Variants in RLF observed in about 807,000 individuals in gnomAD.
The protein encoded by RLF is zinc finger protein Rlf.
In RLF, 7 loss-of-function variants were observed where a neutral mutation model predicts 162.9. That is an observed-to-expected ratio of 0.04 (90% CI 0.02 to 0.08). RLF has a LOEUF of 0.08. Among genes scored for constraint, RLF ranks in the 10% least tolerant of loss-of-function variants. The pLI is 1.00. For synonymous variants in RLF, 782 were observed against 791.5 expected, an observed-to-expected ratio of 0.99 and a Z score of 0.20; for missense variants, 1,664 against 2,244.7, an observed-to-expected ratio of 0.74 and a Z score of 5.23.
rs1329509279 is a variant in RLF at position 40,237,872 on chromosome 1, A to G, written c.3170A>G (p.Glu1057Gly). The G allele has an allele frequency of 1.2e-6, 2 of 1,614,034 alleles. No individual in the cohort carries two copies. The highest frequency in any genetic ancestry group is 1.3e-5 in the African/African-American group (1 of 74,936). The change falls in exon 8 of 8, where the codon GAG becomes GGG. Residue 1057 changes from glutamate (E) to glycine (G), a missense_variant. Physicochemically the swap from Glu to Gly is moderately conservative, Grantham distance 98. Transcript: ENST00000372771. The surrounding 1 kb of genome is among the most constrained non-coding windows in gnomAD (Gnocchi z 4.4). ...TGTGCTTCTAAAAGGCCCTGTACAG[A>G]GGATACCATGTTGGAACTTCTGTTA... ...SICASKRPCTEDTMLELLLRL... is the reference protein window; with the variant it reads ...SICASKRPCTGDTMLELLLRL...
In RLF at chr1:40,239,205, G is replaced by A; in HGVS notation, c.4503G>A (p.Gly1501=). The A allele has an allele frequency of 6.2e-7, 1 of 1,614,124 alleles. No individual in the cohort carries two copies. Among genetic ancestry groups the A allele is most frequent in the Non-Finnish European group, 8.5e-7 (1 of 1,180,016 alleles). Reference sequence around the variant, plus strand: ...TATGTCAAACAGCTGATACTCAGGGGCATGAACATCAGACCACCAGGAGAT... The same window carrying A: ...TATGTCAAACAGCTGATACTCAGGGACATGAACATCAGACCACCAGGAGAT... The part of the protein sequence containing the change: ...EKVCQTADTQ[G]HEHQTTRRSF... Residue 1501 remains glycine (G), a synonymous_variant, in exon 8 of 8, where the codon GGG becomes GGA. Transcript: ENST00000372771.
intron 5 of RLF, among the ~76,000 whole-genome samples, chr1:40,203,759 ATTT>A (rs984448356): frequency 9.5e-4 from 144 of 152,100 alleles, no homozygotes; most frequent in African/African-American, 3.2e-3. Context: ...CTGAACTGAA[ATTT>A]TTTATTAGAT....
At chr1:40,180,624 A>C (rs1385230937) in intron 1 of RLF, among the ~76,000 whole-genome samples, 1 of 152,036 alleles carries the variant, frequency 6.6e-6, no homozygotes, top group African/African-American at 2.4e-5. Context: ...TGTGGTTTTC[A>C]TTTGGATTTC....
intron 5 of RLF, among the ~76,000 whole-genome samples, chr1:40,213,788 A>G (rs1299556714): frequency 6.6e-6 from 1 of 152,274 alleles, no homozygotes; most frequent in Non-Finnish European, 1.5e-5. Context: ...AGAACTAATC[A>G]GGGAAATACT....
chr1:40,169,786 G>A lies in RLF; in HGVS notation c.237+8150G>A, dbSNP rs137935499. Among the ~76,000 whole-genome samples the A allele has an allele frequency of 3.7e-3, 544 of 147,284 alleles. 12 individuals are homozygous for A. The highest frequency in any genetic ancestry group is 0.033 in the East Asian group (152 of 4,606). ...CGGCTCACTGCAACCTCCGCCTCCC[G>A]GGTTCAAGTGATTCTCCTGCCTCAG... On this transcript the variant is annotated intron_variant, in intron 1 of 7. Transcript: ENST00000372771.
intron 5 of RLF, among the ~76,000 whole-genome samples, chr1:40,215,469 A>G (rs1247196174): frequency 6.6e-6 from 1 of 152,242 alleles, no homozygotes; most frequent in African/African-American, 2.4e-5. Context: ...TTAGAAACCA[A>G]TAGCAGAAGG....
At chr1:40,231,484 T>G (rs1643151162) in intron 6 of RLF, 33 bp from the exon 7 acceptor site, 1 of 1,599,676 alleles carries the variant, frequency 6.3e-7, no homozygotes, top group South Asian at 1.1e-5. Flanking sequence ...CCAGTTACTT[T>G]AAATGTTTTA....
At chr1:40,235,593 T>C (rs570004138) in intron 7 of RLF, among the ~76,000 whole-genome samples, 199 bp from the exon 8 acceptor site, 1 of 152,176 alleles carries the variant, frequency 6.6e-6, no homozygotes, top group Non-Finnish European at 1.5e-5. Flanking sequence ...TAAATGTACA[T>C]TGTTCGTAGT....
At chr1:40,163,850 T>G (rs1269704375) in intron 1 of RLF, among the ~76,000 whole-genome samples, 1 of 152,188 alleles carries the variant, frequency 6.6e-6, no homozygotes, top group Non-Finnish European at 1.5e-5. Context: ...TGTGTACAAG[T>G]CTTCACAAAA....
At chr1:40,163,391 T>G (rs531015238) in intron 1 of RLF, among the ~76,000 whole-genome samples, 1 of 152,300 alleles carries the variant, frequency 6.6e-6, no homozygotes, top group South Asian at 2.1e-4. Flanking sequence ...GTTGTCTCCC[T>G]GGAAAGATGA....
chr1:40,178,338 A>G (rs1040897065), intron 1 of RLF, among the ~76,000 whole-genome samples: 2 of 152,110 alleles, frequency 1.3e-5, no homozygotes, highest in Non-Finnish European at 2.9e-5. Flanking sequence ...ATAATATACT[A>G]TAAAAGCTAT....
intron 1 of RLF, among the ~76,000 whole-genome samples, chr1:40,184,626 TGA>T (rs1642447787): frequency 6.6e-6 from 1 of 152,252 alleles, no homozygotes; most frequent in African/African-American, 2.4e-5. Context: ...AGCAAGGACT[TGA>T]GAGAGTAATT....
chr1:40,197,277 G>A (rs1055073167), intron 4 of RLF, among the ~76,000 whole-genome samples: 6 of 152,228 alleles, frequency 3.9e-5, no homozygotes, highest in African/African-American at 1.2e-4. Context: ...AAAGATTGGT[G>A]TTTATAGTTT....
chr1:40,231,775 T>C (rs1036068720), intron 7 of RLF, 117 bp downstream of exon 7: 6 of 932,572 alleles, frequency 6.4e-6, no homozygotes, highest in Non-Finnish European at 7.8e-6. Flanking sequence ...TTTAATAAGA[T>C]TAATGGAATT....
rs372365627 is a variant in RLF, at chr1:40,221,711, T to C, written c.811-863T>C. 7.9e-5 allele frequency among the ~76,000 whole-genome samples: 12 copies of C among 151,612 alleles called. No individual in the cohort carries two copies. In the East Asian group the frequency reaches 1.2e-3, roughly 15 times the overall value. ...GTCTGGAGATTGAGACCATCCTGGC[T>C]AACACAGTGAAACCCCGTCTCTACT... On this transcript the variant is annotated intron_variant, in intron 5 of 7. Coordinates refer to ENST00000372771, the MANE Select transcript of RLF (RefSeq NM_012421.4).
In RLF at chr1:40,200,327, C is replaced by G. The variant is rs146348919; in HGVS notation, c.608-2085C>G. Among the ~76,000 whole-genome samples, 4 of 152,178 alleles carry G rather than the reference C, an allele frequency of 2.6e-5. No individual in the cohort carries two copies. In the East Asian group the frequency reaches 7.7e-4, roughly 29 times the overall value. ...GAGTCAGTATTACAAATGAACAGAG[C>G]CTTTAATTTAGCAATTCCGCATCTA... is the stretch of plus-strand genomic sequence containing the variant. On this transcript the variant is annotated intron_variant, in intron 4 of 7. Coordinates refer to ENST00000372771, the MANE Select transcript of RLF (RefSeq NM_012421.4).
At position 40,209,736 on chromosome 1, in the gene RLF, G is replaced by A. The variant is rs1642842925; in HGVS notation, c.810+7122G>A. ...ACTAAAGATACAAAAAATTAGTCAG[G>A]TGTGGTGGTGTGCGCCTGTAATCCC... is the stretch of plus-strand genomic sequence containing the variant. On this transcript the variant is annotated intron_variant, in intron 5 of 7. Coordinates refer to ENST00000372771, the MANE Select transcript of RLF (RefSeq NM_012421.4). 2.0e-5 allele frequency among the ~76,000 whole-genome samples: 3 copies of A among 152,206 alleles called. No homozygotes were observed. In the South Asian group the frequency reaches 6.2e-4, roughly 32 times the overall value.
At chr1:40,227,993 G>C (rs1178834619) in intron 6 of RLF, among the ~76,000 whole-genome samples, 1 of 151,478 alleles carries the variant, frequency 6.6e-6, no homozygotes, top group Non-Finnish European at 1.5e-5. Context: ...ACAGAGCAAG[G>C]CTCCATCTGG....
chr1:40,169,695 CTTT>C (rs202079055), intron 1 of RLF, among the ~76,000 whole-genome samples: 3 of 132,208 alleles, frequency 2.3e-5, no homozygotes, highest in African/African-American at 2.8e-5. Context: ...TTGGGATAAG[CTTT>C]TTTTTTTTTT....
Sources: allele counts gnomAD v4.1 joint callset (sites outside exome capture counted in the v4.1 genomes callset), GRCh38; gene constraint gnomAD v4.1.1; non-coding constraint Gnocchi (gnomAD v3.1); transcripts MANE v1.5; gene names NCBI Gene and HGNC (gene_info 2026-07-23, HGNC 2026-07-21).